TAPBP: variants seen among roughly 807,000 people sequenced by gnomAD.
The protein encoded by TAPBP is TAP binding protein.
Under a neutral mutation model 45.7 loss-of-function variants are expected in TAPBP, and 38 were observed. That is an observed-to-expected ratio of 0.83 (90% CI 0.64 to 1.09). The LOEUF (loss-of-function observed/expected upper bound fraction) is 1.09, where lower values mean the gene tolerates loss of function less well. TAPBP is among the 50% of genes least tolerant of loss of function. The pLI is 0.00. For missense variants in TAPBP, 513 were observed against 587.3 expected (o/e 0.87, Z 1.31); for synonymous variants, 226 against 254.8 (o/e 0.89, Z 1.08).
Position 33,305,322 on chromosome 6 carries a change from C to G in TAPBP, c.535G>C (p.Asp179His). Reference sequence around the variant, plus strand: ...GGGGGCATGTAGGCAAAGCTCAAGTCCAGCAGAGCATCTTGTCCCAGTCTC... The same window carrying G: ...GGGGGCATGTAGGCAAAGCTCAAGTGCAGCAGAGCATCTTGTCCCAGTCTC... Reference protein sequence around the residue: ...RVRLGQDALLDLSFAYMPPTS... With the variant: ...RVRLGQDALLHLSFAYMPPTS... The change falls in exon 4 of 8, where the codon GAC (aspartate) becomes CAC (histidine). Residue 179 changes from aspartate (D) to histidine (H), a missense_variant. By Grantham distance (81) the Asp-to-His change is moderately conservative. Coordinates refer to ENST00000434618, the MANE Select transcript of TAPBP (RefSeq NM_003190.5). The surrounding 1 kb of genome is among the most constrained non-coding windows in gnomAD (Gnocchi z 4.4). 6.4e-7 allele frequency: 1 copy of G among 1,558,600 alleles called. No individual in the cohort carries two copies. The highest frequency in any genetic ancestry group is 8.7e-7 in the Non-Finnish European group (1 of 1,153,064).
chr6:33,300,122 G>T lies in TAPBP; in HGVS notation c.*1638C>A. 1 of 154,122 alleles carries T rather than the reference G, an allele frequency of 6.5e-6. No individual in the cohort carries two copies. Among genetic ancestry groups the T allele is most frequent in the Non-Finnish European group, 1.5e-5 (1 of 68,214 alleles). The allele number at this position is 154,122 out of a possible 1,614,324, so 9.5% of individuals were successfully genotyped here. A position where few individuals can be genotyped will look rare whatever the true frequency, so the allele number is the denominator to read the frequency against. ...GTGGGCGGGAGGCGTTTGGTTCATT[G>T]GAGGAAAGGAATAGCCCTGTGTGTG... On this transcript the variant is annotated 3_prime_UTR_variant, in exon 8 of 8. Coordinates refer to ENST00000434618, the MANE Select transcript of TAPBP (RefSeq NM_003190.5).
Position 33,303,955 on chromosome 6 carries a change from C to T in TAPBP, c.1335G>A (p.Lys445=). 6.2e-7 allele frequency: 1 copy of T among 1,613,916 alleles called. No individual in the cohort carries two copies. Among genetic ancestry groups the T allele is most frequent in the Non-Finnish European group, 8.5e-7 (1 of 1,180,006 alleles). The change falls in exon 7 of 8, where the codon AAG becomes AAA. Residue 445 remains lysine (K), a splice_region_variant and synonymous_variant. Transcript: ENST00000434618. ...VYLSTCKDSK[K]KAE is the part of the protein sequence containing the mutation. ...GATACAGAGAGGTGGAGCACTGTAC[C>T]TTCTTTGAATCCTTGCAGGTGGACA... is the stretch of plus-strand genomic sequence containing the variant.
intron 3 of TAPBP, among the ~76,000 whole-genome samples, chr6:33,311,427 G>A (rs6930930): frequency 6.8e-4 from 104 of 151,990 alleles, no homozygotes; most frequent in African/African-American, 2.4e-3. Context: ...TTGGGAGTTC[G>A]AGACCAGCCT....
chr6:33,304,571 T>G lies in TAPBP; in HGVS notation c.936A>C (p.Glu312Asp). ...AGAAGTGGGACACAAGGCAGAGCAATTCCGGGGGTGCCTCCCCTGGGGCGG... is the reference window on the plus strand; with the variant it reads ...AGAAGTGGGACACAAGGCAGAGCAAGTCCGGGGGTGCCTCCCCTGGGGCGG... ...ARAAPGEAPP[E>D]LLCLVSHFYP... The change falls in exon 5 of 8, where the codon GAA (glutamate) becomes GAC (aspartate). Residue 312 changes from glutamate (E) to aspartate (D), a missense_variant. Coordinates refer to ENST00000434618, the MANE Select transcript of TAPBP (RefSeq NM_003190.5). 6.2e-7 allele frequency: 1 copy of G among 1,605,614 alleles called. No homozygotes were observed. The highest frequency in any genetic ancestry group is 8.5e-7 in the Non-Finnish European group (1 of 1,179,186).
intron 3 of TAPBP, among the ~76,000 whole-genome samples, chr6:33,311,846 C>T (rs1201896007): frequency 1.3e-5 from 2 of 152,092 alleles, no homozygotes; most frequent in African/African-American, 4.8e-5. Flanking sequence ...ATCTTTGTGA[C>T]CCTTAAGGGC....
intron 3 of TAPBP, among the ~76,000 whole-genome samples, chr6:33,309,166 C>T (rs993089052): frequency 2.0e-5 from 3 of 151,244 alleles, no homozygotes; most frequent in Admixed American, 6.6e-5. Context: ...AGGCCGAGGC[C>T]GGTGGATCAC....
chr6:33,305,295 T>TA lies in TAPBP; in HGVS notation c.561_562insT (p.Thr188TyrfsTer26). 1 of 1,575,812 alleles carries TA rather than the reference T, an allele frequency of 6.3e-7. No individual in the cohort carries two copies. The highest frequency in any genetic ancestry group is 8.6e-7 in the Non-Finnish European group (1 of 1,161,464). ...GCCAGAGATGAGGCGGCCTCGGAGG[T>TA]GGGGGGCATGTAGGCAAAGCTCAAG... On this transcript the variant is annotated frameshift_variant, in exon 4 of 8. Coordinates refer to ENST00000434618, the MANE Select transcript of TAPBP (RefSeq NM_003190.5). LOFTEE classifies it high-confidence loss of function. This position sits in a 1 kb window ranked among gnomAD's most constrained non-coding sequence, Gnocchi z 4.4.
chr6:33,313,353 G>C lies in TAPBP; in HGVS notation c.333C>G (p.Pro111=), dbSNP rs561857093. 337 of 1,613,130 alleles carry C rather than the reference G, an allele frequency of 2.1e-4. 3 individuals are homozygous for C. The South Asian group carries it at 3.4e-3, about 16-fold the overall frequency. Residue 111 remains proline (P), a synonymous_variant, in exon 3 of 8, where the codon CCC becomes CCG. Coordinates refer to ENST00000434618, the MANE Select transcript of TAPBP (RefSeq NM_003190.5). This position sits in a 1 kb window ranked among gnomAD's most constrained non-coding sequence, Gnocchi z 7.2. ...CCAGGGCCCGCGGGCAGTTCTGCGC[G>C]GGGGTCAGGCCGCTGGCCCATTTCG... ...ASAKWASGLT[P]AQNCPRALDG...
In TAPBP at chr6:33,311,629, CAAAAATAAATAAATAAATAAAAT is replaced by C. The variant is rs569423312; in HGVS notation, c.469+1565_469+1587del. On this transcript the variant is annotated intron_variant, in intron 3 of 7. Transcript: ENST00000434618. ...GGGCAACAAGAGCAAAACTCTGTCT[CAAAAATAAATAAATAAATAAAAT>C]AAAAATAAATAAATAGCACAGCACC... Among the ~76,000 whole-genome samples, 282 of 152,152 alleles carry C rather than the reference CAAAAATAAATAAATAAATAAAAT, an allele frequency of 1.9e-3. 1 individual carries two copies. Among genetic ancestry groups the C allele is most frequent in the African/African-American group, 6.4e-3 (267 of 41,506 alleles).
chr6:33,313,576 A>G lies in TAPBP; in HGVS notation c.209-99T>C. The G allele has an allele frequency of 2.0e-6, 3 of 1,523,356 alleles. No homozygotes were observed. Among genetic ancestry groups the G allele is most frequent in the African/African-American group, 1.4e-5 (1 of 72,518 alleles). 94.4% of individuals were successfully genotyped at this position (1,523,356 alleles called of 1,614,324 possible). ...ACTTCAAATGCACAGACTACCCCGT[A>G]GTGAGACTCACTTTACAAAGGGGAA... On this transcript the variant is annotated intron_variant, in intron 2 of 7. Coordinates refer to ENST00000434618, the MANE Select transcript of TAPBP (RefSeq NM_003190.5). This position sits in a 1 kb window ranked among gnomAD's most constrained non-coding sequence, Gnocchi z 7.2.
chr6:33,301,516 G>C lies in TAPBP; in HGVS notation c.*244C>G. 1 of 503,876 alleles carries C rather than the reference G, an allele frequency of 2.0e-6. No individual in the cohort carries two copies. Among genetic ancestry groups the C allele is most frequent in the East Asian group, 3.2e-5 (1 of 31,358 alleles). The allele number at this position is 503,876 out of a possible 1,614,324, so 31.2% of individuals were successfully genotyped here. A position where few individuals can be genotyped will look rare whatever the true frequency, so the allele number is the denominator to read the frequency against. ...TTGAACCCAGGAGGCGGAGGTTGCA[G>C]TAAGCCAAGATCATGCCACTGCACT... On this transcript the variant is annotated 3_prime_UTR_variant, in exon 8 of 8. Transcript: ENST00000434618.
chr6:33,313,915 C>A lies in TAPBP; in HGVS notation c.38-51G>T, dbSNP rs750347338. ...AGCGGTTTGTATGTCTGGTGACCTG[C>A]CCCACTCCCACCCTGGCATCGGCTC... On this transcript the variant is annotated intron_variant, in intron 1 of 7. Transcript: ENST00000434618. The surrounding 1 kb of genome is among the most constrained non-coding windows in gnomAD (Gnocchi z 7.2). 6.8e-6 allele frequency: 11 copies of A among 1,612,440 alleles called. No individual in the cohort carries two copies. The African/African-American group carries it at 1.3e-4, about 20-fold the overall frequency.
At chr6:33,304,856 A>G in intron 4 of TAPBP, 133 bp downstream of exon 4, 1 of 1,422,544 alleles carries the variant, frequency 7.0e-7, no homozygotes, top group Non-Finnish European at 9.5e-7. Flanking sequence ...TTACCCCTCT[A>G]ACTCCCAGGA....
At chr6:33,307,098 G>A (rs542415209) in intron 3 of TAPBP, among the ~76,000 whole-genome samples, 1 of 152,176 alleles carries the variant, frequency 6.6e-6, no homozygotes, top group South Asian at 2.1e-4. Context: ...GACCAGCCTG[G>A]CCAACATGGC....
Position 33,301,763 on chromosome 6 carries a change from C to T in TAPBP, c.1344G>A (p.Glu448=), listed in dbSNP as rs751751461. The T allele has an allele frequency of 6.2e-7, 1 of 1,614,040 alleles. No individual in the cohort carries two copies. Among genetic ancestry groups the T allele is most frequent in the Non-Finnish European group, 8.5e-7 (1 of 1,179,970 alleles). The part of the protein sequence containing the change: ...STCKDSKKKA[E] ...CACAGGATGGCAGTGAGTGCCCTCACTCTGCTTTCTGGAAGAGAGGAAGGT... is the reference window on the plus strand; with the variant it reads ...CACAGGATGGCAGTGAGTGCCCTCATTCTGCTTTCTGGAAGAGAGGAAGGT... Residue 448 remains glutamate, a synonymous_variant, in exon 8 of 8, where the codon GAG becomes GAA. Coordinates refer to ENST00000434618, the MANE Select transcript of TAPBP (RefSeq NM_003190.5).
chr6:33,301,639 C>G lies in TAPBP; in HGVS notation c.*121G>C, dbSNP rs1768597029. On this transcript the variant is annotated 3_prime_UTR_variant, in exon 8 of 8. Transcript: ENST00000434618. ...AAAGAAAAAAAAAAAAGCATTCCAG[C>G]CACTCAGTGGAGAGAGATTGGAGGG... 2.4e-6 allele frequency: 2 copies of G among 829,242 alleles called. No homozygotes were observed. The highest frequency in any genetic ancestry group is 2.7e-5 in the Admixed American group (1 of 36,656). 51.4% of individuals were successfully genotyped at this position (829,242 alleles called of 1,614,324 possible).
intron 3 of TAPBP, among the ~76,000 whole-genome samples, chr6:33,308,802 C>A (rs1042138014): frequency 1.8e-4 from 27 of 151,852 alleles, no homozygotes; most frequent in African/African-American, 6.5e-4. Flanking sequence ...CAAGACAATT[C>A]TTCTCCCAGT....
Position 33,313,506 on chromosome 6 carries a change from T to G in TAPBP, c.209-29A>C. Reference sequence around the variant, plus strand: ...AGTGTAGAGAAGGAAGTTGCAGCTGTAGAGTCACCGCCGGGAAAGGGGCTG... The same window carrying G: ...AGTGTAGAGAAGGAAGTTGCAGCTGGAGAGTCACCGCCGGGAAAGGGGCTG... On this transcript the variant is annotated intron_variant, in intron 2 of 7. Coordinates refer to ENST00000434618, the MANE Select transcript of TAPBP (RefSeq NM_003190.5). The surrounding 1 kb of genome is among the most constrained non-coding windows in gnomAD (Gnocchi z 7.2). 2 of 1,527,580 alleles carry G rather than the reference T, an allele frequency of 1.3e-6. No homozygotes were observed. Among genetic ancestry groups the G allele is most frequent in the Non-Finnish European group, 1.8e-6 (2 of 1,134,940 alleles). The allele number at this position is 1,527,580 out of a possible 1,614,324, so 94.6% of individuals were successfully genotyped here.
chr6:33,304,183 G>T lies in TAPBP; in HGVS notation c.1245C>A (p.Gly415=), dbSNP rs1221361374. 1 of 1,613,586 alleles carries T rather than the reference G, an allele frequency of 6.2e-7. No individual in the cohort carries two copies. The highest frequency in any genetic ancestry group is 1.3e-5 in the African/African-American group (1 of 74,766). ...GCAGAAGAAAGGCAGACAGGAAAAG[G>T]CCTACGCTGTCCTCAAGGGAGGGCC... The part of the protein sequence containing the change: ...LSGPSLEDSV[G]LFLSAFLLLG... Residue 415 remains glycine, a synonymous_variant, in exon 6 of 8, where the codon GGC becomes GGA. Transcript: ENST00000434618.
Sources: gnomAD v4.1 joint callset for allele counts (sites outside exome capture counted in the v4.1 genomes callset) on GRCh38, gnomAD v4.1.1 for gene constraint, Gnocchi (gnomAD v3.1) non-coding constraint, MANE v1.5 for transcripts, NCBI Gene and HGNC (gene_info 2026-07-23, HGNC 2026-07-21) for gene names.